Variants in LONP1 observed in about 807,000 individuals in gnomAD.
The protein encoded by LONP1 is lon protease homolog, mitochondrial.
Under a neutral mutation model 98.5 loss-of-function variants are expected in LONP1, and 31 were observed. The observed-to-expected ratio is 0.31, with a 90% CI of 0.24 to 0.42. The LOEUF is 0.42. LONP1 is among the 20% of genes least tolerant of loss of function. The pLI, the probability that LONP1 is intolerant of heterozygous loss-of-function variation, is 1.00. For missense variants in LONP1, 1,336 were observed against 1,350.6 expected (o/e 0.99, Z 0.17); for synonymous variants, 781 against 594.7 (o/e 1.31, Z -4.56).
At chr19:5,698,939 AC>A in intron 10 of LONP1, 87 bp downstream of exon 10, 1 of 1,367,936 alleles carries the variant, frequency 7.3e-7, no homozygotes, top group East Asian at 2.7e-5. Context: ...GGATTGCTCT[AC>A]CAGATGTTAA....
chr19:5,711,741 G>A (rs2145623318), intron 4 of LONP1, 30 bp downstream of exon 4: 1 of 1,575,090 alleles, frequency 6.3e-7, no homozygotes. Context: ...GGAGGCAGCT[G>A]TGGCCGCCCT....
chr19:5,694,637 A>AGGGG, intron 14 of LONP1, 85 bp from the exon 15 acceptor site: 1 of 1,563,600 alleles, frequency 6.4e-7, no homozygotes, highest in Non-Finnish European at 8.7e-7. Context: ...GAAAGGTGTG[A>AGGGG]CGGGCGCGGG....
In LONP1 at chr19:5,696,230, C is replaced by T. The variant is rs1227445840; in HGVS notation, c.1896+19G>A. Reference sequence around the variant, plus strand: ...GCTTACCCTCCCCAGCAAGCCCAGGCCCCAGACAGGCCCCCCACCTTGGAC... The same window carrying T: ...GCTTACCCTCCCCAGCAAGCCCAGGTCCCAGACAGGCCCCCCACCTTGGAC... On this transcript the variant is annotated intron_variant, in intron 12 of 17. Transcript: ENST00000360614. The T allele has an allele frequency of 9.3e-6, 15 of 1,612,854 alleles. No individual in the cohort carries two copies. Among genetic ancestry groups the T allele is most frequent in the South Asian group, 4.4e-5 (4 of 91,068 alleles).
chr19:5,716,259 C>CATATACATATAT (rs2055317993), intron 1 of LONP1, among the ~76,000 whole-genome samples: 1 of 77,234 alleles, frequency 1.3e-5, no homozygotes, highest in Non-Finnish European at 2.3e-5. Context: ...TTAAAATATA[C>CATATACATATAT]ATATATATAT....
intron 8 of LONP1, 109 bp from the exon 9 acceptor site, chr19:5,701,036 G>T: frequency 7.9e-7 from 1 of 1,262,034 alleles, no homozygotes; most frequent in Non-Finnish European, 1.1e-6. Flanking sequence ...GTGTGGGGCT[G>T]AGCGCGGTGG....
In LONP1 at chr19:5,691,937, T is replaced by C; in HGVS notation, c.*95A>G. On this transcript the variant is annotated 3_prime_UTR_variant, in exon 18 of 18. Transcript: ENST00000360614. ...TCACTGGACCGAGCTGCTCGCTCGG[T>C]GGCTCCACTGCCAGGTCCGGGCGCG... 3.0e-6 allele frequency: 3 copies of C among 1,000,020 alleles called. No homozygotes were observed. Among genetic ancestry groups the C allele is most frequent in the Non-Finnish European group, 4.2e-6 (3 of 706,600 alleles). 61.9% of individuals were successfully genotyped at this position (1,000,020 alleles called of 1,614,324 possible).
At chr19:5,719,456 G>C (rs1301459990) in intron 1 of LONP1, among the ~76,000 whole-genome samples, 1 of 152,180 alleles carries the variant, frequency 6.6e-6, no homozygotes, top group African/African-American at 2.4e-5. Flanking sequence ...GCGTTCTAAA[G>C]TGGATAATCC....
Position 5,711,919 on chromosome 19 carries a change from C to A in LONP1, c.722G>T (p.Arg241Leu). The change falls in exon 4 of 18, where the codon CGG becomes CTG. Residue 241 changes from arginine (R) to leucine (L), a missense_variant. By Grantham distance (102) the Arg-to-Leu change is moderately radical (BLOSUM62 -2). Coordinates refer to ENST00000360614, the MANE Select transcript of LONP1 (RefSeq NM_004793.4). The part of the protein sequence containing the change: ...NKHKPRRKSK[R>L]GKKEAEDELS... Reference sequence around the variant, plus strand: ...CTCGTCCTCCGCCTCCTTCTTGCCCCGCTTTGACTTCCTGCGGGGCTTGTG... The same window carrying A: ...CTCGTCCTCCGCCTCCTTCTTGCCCAGCTTTGACTTCCTGCGGGGCTTGTG... 1.2e-6 allele frequency: 2 copies of A among 1,613,446 alleles called. No homozygotes were observed. Among genetic ancestry groups the A allele is most frequent in the Non-Finnish European group, 1.7e-6 (2 of 1,179,978 alleles).
At position 5,719,951 on chromosome 19, in the gene LONP1, A is replaced by C. The variant is rs953392115; in HGVS notation, c.182T>G (p.Ile61Ser). 1 of 1,568,542 alleles carries C rather than the reference A, an allele frequency of 6.4e-7. No individual in the cohort carries two copies. Among genetic ancestry groups the C allele is most frequent in the Non-Finnish European group, 8.6e-7 (1 of 1,159,218 alleles). Residue 61 changes from isoleucine to serine, a missense_variant, in exon 1 of 18, where the codon ATT becomes AGT. Physicochemically the swap from Ile to Ser is moderately radical, Grantham distance 142. This residue lies in a region of LONP1 where 457 missense variants were observed against 403.1 expected (regional missense o/e 1.13). Coordinates refer to ENST00000360614, the MANE Select transcript of LONP1 (RefSeq NM_004793.4). ...PWALWGRGPA[I>S]GGQWRGFWEA... ...CCAAAACCCCCGCCATTGGCCCCCA[A>C]TTGCCGGGCCTCGGCCCCACAGTGC...
intron 8 of LONP1, among the ~76,000 whole-genome samples, chr19:5,704,782 A>G (rs1428724307): frequency 1.3e-5 from 2 of 152,206 alleles, no homozygotes; most frequent in Admixed American, 6.5e-5. Flanking sequence ...AGGCATGGTC[A>G]CTTCCTGGCT....
chr19:5,698,581 G>C (rs556546464), intron 10 of LONP1, among the ~76,000 whole-genome samples: 1 of 152,180 alleles, frequency 6.6e-6, no homozygotes. Context: ...TGCGCGGCCC[G>C]GTCCTCACTG....
Position 5,716,633 on chromosome 19 carries a change from A to G in LONP1, c.430-2362T>C, listed in dbSNP as rs75725649. On this transcript the variant is annotated intron_variant, in intron 1 of 17. Transcript: ENST00000360614. ...GGGTGTGTGACCCACTGTTATAAGT[A>G]AAATGTTTGTTTAGAGACAGAACGC... Among the ~76,000 whole-genome samples, 544 of 151,856 alleles carry G rather than the reference A, an allele frequency of 3.6e-3. 19 individuals carry two copies. The East Asian group carries it at 0.092, about 26-fold the overall frequency.
At chr19:5,699,589 G>A (rs1389222599) in intron 9 of LONP1, among the ~76,000 whole-genome samples, 1 of 120,944 alleles carries the variant, frequency 8.3e-6, no homozygotes, top group Non-Finnish European at 1.6e-5. Context: ...ATGGAGTCTT[G>A]CTCTGTGGCC....
intron 1 of LONP1, 126 bp from the exon 2 acceptor site, chr19:5,714,397 T>C (rs560621024): frequency 6.1e-6 from 4 of 654,866 alleles, no homozygotes; most frequent in Non-Finnish European, 1.1e-5. Context: ...CCACCCCCAC[T>C]GAGTTCAAGG....
chr19:5,720,042 CCCGCCCCCCGGCGGCGGCCAGCATCGG>C lies in LONP1; in HGVS notation c.64_90del (p.Pro22_Arg30del), dbSNP rs1355376280. On this transcript the variant is annotated inframe_deletion, in exon 1 of 18. Coordinates refer to ENST00000360614, the MANE Select transcript of LONP1 (RefSeq NM_004793.4). ...AACCACGCTCCTGCTGCAGTGGGAA[CCCGCCCCCCGGCGGCGGCCAGCATCGG>C]CCGCCGCAGCACCCAGCACCGCGCC... 5.7e-5 allele frequency: 88 copies of C among 1,544,784 alleles called. No individual in the cohort carries two copies. The highest frequency in any genetic ancestry group is 7.9e-5 in the Admixed American group (4 of 50,726).
chr19:5,709,117 C>T (rs923424358), intron 4 of LONP1, among the ~76,000 whole-genome samples: 1 of 151,638 alleles, frequency 6.6e-6, no homozygotes, highest in South Asian at 2.1e-4. Flanking sequence ...TGGGCTCAAG[C>T]GATCCTCCCC....
chr19:5,697,712 T>G (rs2054965078), intron 10 of LONP1, among the ~76,000 whole-genome samples: 3 of 151,980 alleles, frequency 2.0e-5, no homozygotes, highest in Admixed American at 1.3e-4. Context: ...GTTTTGCTGC[T>G]GTTAATAACA....
intron 2 of LONP1, 59 bp downstream of exon 2, chr19:5,714,124 G>T: frequency 1.5e-6 from 2 of 1,333,816 alleles, no homozygotes; most frequent in East Asian, 2.3e-5. Context: ...AGTAGGACTT[G>T]TGGTGAGCTG....
rs749237979 is a variant in LONP1, at chr19:5,692,030, C to G, written c.*2G>C. ...CCGCCGCCTGCAGTCCCGGGGTGGC[C>G]GTCACCGTTCCACGGCCAGCGCCTC... On this transcript the variant is annotated 3_prime_UTR_variant, in exon 18 of 18. Coordinates refer to ENST00000360614, the MANE Select transcript of LONP1 (RefSeq NM_004793.4). 3 of 1,273,714 alleles carry G rather than the reference C, an allele frequency of 2.4e-6. No homozygotes were observed. The highest frequency in any genetic ancestry group is 1.1e-6 in the Non-Finnish European group (1 of 916,212). 78.9% of individuals were successfully genotyped at this position (1,273,714 alleles called of 1,614,324 possible).
Sources: allele counts gnomAD v4.1 joint callset (sites outside exome capture counted in the v4.1 genomes callset), GRCh38; gene constraint gnomAD v4.1.1; regional missense constraint gnomAD v4.1.1; transcripts MANE v1.5; gene names NCBI Gene and HGNC (gene_info 2026-07-23, HGNC 2026-07-21).